The following ARHGAP32 variants were observed in gnomAD, a reference collection of about 807,000 sequenced individuals.
ARHGAP32 encodes the protein rho GTPase-activating protein 32.
ARHGAP32 carries 51 observed loss-of-function variants against 186.5 expected under a neutral mutation model. That is an observed-to-expected ratio of 0.27 (90% confidence interval 0.22 to 0.35). The LOEUF (loss-of-function observed/expected upper bound fraction) is 0.35, where lower values mean the gene tolerates loss of function less well. Ranked by LOEUF, ARHGAP32 falls within the 10% of genes least tolerant of loss-of-function variation. ARHGAP32 has a pLI of 1.00. For missense variants in ARHGAP32, 2,186 were observed against 2,623.5 expected, an observed-to-expected ratio of 0.83 and a Z score of 3.64; for synonymous variants, 950 against 964.3, an observed-to-expected ratio of 0.99 and a Z score of 0.27.
At chr11:129,180,121 T>C (rs1317987940) in intron 1 of ARHGAP32, among the ~76,000 whole-genome samples, 1 of 152,102 alleles carries the variant, frequency 6.6e-6, no homozygotes, top group East Asian at 1.9e-4. Flanking sequence ...TATACAATTA[T>C]TTATTAAGAG....
chr11:128,972,772 G>C lies in ARHGAP32; in HGVS notation c.3734C>G (p.Ala1245Gly). 3 of 1,614,008 alleles carry C rather than the reference G, an allele frequency of 1.9e-6. No homozygotes were observed. Among genetic ancestry groups the C allele is most frequent in the Non-Finnish European group, 2.5e-6 (3 of 1,180,006 alleles). ...VDKLHHPLEF[A>G]DKSPTPPNLP... ...ATTAGGAGGTGTGGGAGATTTGTCT[G>C]CAAATTCTAAAGGGTGATGGAGTTT... Residue 1245 changes from alanine to glycine, a missense_variant, in exon 22 of 23, where the codon GCA becomes GGA. Transcript: ENST00000682385.
chr11:129,061,904 G>A (rs1687793532), intron 10 of ARHGAP32, among the ~76,000 whole-genome samples: 1 of 152,120 alleles, frequency 6.6e-6, no homozygotes, highest in Non-Finnish European at 1.5e-5. Context: ...CAGTTACAAT[G>A]CCTTTTTATA....
At chr11:129,193,587 A>T (rs1322674013), upstream of ARHGAP32, among the ~76,000 whole-genome samples, 1 of 52,032 alleles carries the variant, frequency 1.9e-5, no homozygotes, top group African/African-American at 7.9e-5. Context: ...TATATTATAT[A>T]ATATATGTTA....
intron 11 of ARHGAP32, among the ~76,000 whole-genome samples, chr11:129,032,261 A>T (rs1939146208): frequency 6.6e-6 from 1 of 152,218 alleles, no homozygotes; most frequent in Admixed American, 6.5e-5. Flanking sequence ...AGATGCTGCC[A>T]TGGGCCTGCA....
intron 2 of ARHGAP32, among the ~76,000 whole-genome samples, chr11:129,162,469 T>C (rs542606550): frequency 3.9e-5 from 6 of 152,254 alleles, no homozygotes; most frequent in Admixed American, 3.9e-4. Flanking sequence ...GGAGTCAATG[T>C]TGAGTGTGAA....
chr11:129,155,621 T>C (rs1943384691), intron 2 of ARHGAP32, among the ~76,000 whole-genome samples: 1 of 152,122 alleles, frequency 6.6e-6, no homozygotes, highest in South Asian at 2.1e-4. Context: ...GTAGTTCATT[T>C]ATCAGCAAGC....
chr11:129,190,625 G>C (rs2135552633), intron 1 of ARHGAP32, among the ~76,000 whole-genome samples: 1 of 152,276 alleles, frequency 6.6e-6, no homozygotes, highest in African/African-American at 2.4e-5. Flanking sequence ...TGCCTTACAA[G>C]TAAATCTAGG....
intron 1 of ARHGAP32, among the ~76,000 whole-genome samples, chr11:129,247,566 T>C: frequency 6.6e-6 from 1 of 152,252 alleles, no homozygotes; most frequent in East Asian, 1.9e-4. Flanking sequence ...TTATTTCATC[T>C]TCCAGTTTAT....
chr11:129,221,407 G>A (rs1944707736), intron 1 of ARHGAP32, among the ~76,000 whole-genome samples: 1 of 151,674 alleles, frequency 6.6e-6, no homozygotes, highest in Non-Finnish European at 1.5e-5. Context: ...GGGGTGGGCT[G>A]AAATATGCAT....
chr11:128,978,947 A>G (rs1591492775), intron 18 of ARHGAP32, 32 bp from the exon 19 acceptor site: 3 of 1,582,122 alleles, frequency 1.9e-6, no homozygotes, highest in Non-Finnish European at 2.6e-6. Context: ...CAACATTAAG[A>G]TAGCCATGGG....
intron 1 of ARHGAP32, among the ~76,000 whole-genome samples, chr11:129,181,549 G>T (rs1292918206): frequency 1.3e-5 from 2 of 152,110 alleles, no homozygotes; most frequent in African/African-American, 4.8e-5. Context: ...AAATTGTAAA[G>T]CCTCTTAAAA....
chr11:129,116,632 T>C (rs755211911), intron 5 of ARHGAP32, among the ~76,000 whole-genome samples: 1 of 152,034 alleles, frequency 6.6e-6, no homozygotes, highest in Non-Finnish European at 1.5e-5. Flanking sequence ...ACTGAAAATA[T>C]GTACAAGTTA....
At chr11:128,981,658 A>C in intron 16 of ARHGAP32, 97 bp from the exon 17 acceptor site, 1 of 1,376,264 alleles carries the variant, frequency 7.3e-7, no homozygotes, top group South Asian at 1.4e-5. Context: ...CAGAGGAAGA[A>C]ATCATACTTT....
intron 1 of ARHGAP32, among the ~76,000 whole-genome samples, chr11:129,202,070 G>GTACATA (rs530897305): frequency 1.7e-4 from 25 of 151,362 alleles, no homozygotes; most frequent in Non-Finnish European, 2.8e-4. Flanking sequence ...ATATATACAA[G>GTACATA]TACATATACA....
In ARHGAP32 at chr11:128,968,954, C is replaced by T. The variant is rs777247242; in HGVS notation, c.6259G>A (p.Ala2087Thr). Residue 2087 changes from alanine to threonine, a missense_variant, in exon 23 of 23, where the codon GCA (alanine) becomes ACA (threonine). This residue lies in a region of ARHGAP32 where 1,502 missense variants were observed against 1,570.0 expected (regional missense o/e 0.96). Coordinates refer to ENST00000682385, the MANE Select transcript of ARHGAP32 (RefSeq NM_001378024.1). ...TALGQGAFLP[A>T]ELSLQHPETQ... is the part of the protein sequence containing the mutation. ...TCAGGATGCTGCAAGGACAACTCTG[C>T]GGGCAGGAAGGCCCCTTGACCCAAC... 2.3e-5 allele frequency: 36 copies of T among 1,561,590 alleles called. No homozygotes were observed. Among genetic ancestry groups the T allele is most frequent in the Admixed American group, 5.4e-5 (3 of 55,210 alleles).
At chr11:129,194,710 G>A (rs563494567), upstream of ARHGAP32, among the ~76,000 whole-genome samples, 16 of 151,612 alleles carry the variant, frequency 1.1e-4, no homozygotes, top group South Asian at 1.0e-3. Context: ...CCGAGATCAC[G>A]CCATTGCACT....
chr11:129,067,618 GCAA>G (rs200232363), intron 6 of ARHGAP32, among the ~76,000 whole-genome samples: 3,434 of 152,032 alleles, frequency 0.023, 66 homozygotes, highest in African/African-American at 0.051. Flanking sequence ...AGCTCACACC[GCAA>G]CAACAACAAG....
At chr11:129,038,182 A>G (rs1939435285) in intron 11 of ARHGAP32, among the ~76,000 whole-genome samples, 1 of 152,020 alleles carries the variant, frequency 6.6e-6, no homozygotes, top group African/African-American at 2.4e-5. Flanking sequence ...AACTGTGTCT[A>G]GGGTCAATTG....
chr11:129,187,461 G>C (rs1179279366), intron 1 of ARHGAP32, among the ~76,000 whole-genome samples: 2 of 152,102 alleles, frequency 1.3e-5, no homozygotes, highest in Non-Finnish European at 2.9e-5. Flanking sequence ...GTATTTGATA[G>C]CACAATAGGG....
Sources: gnomAD v4.1 joint callset for allele counts (sites outside exome capture counted in the v4.1 genomes callset) on GRCh38, gnomAD v4.1.1 for gene constraint, gnomAD v4.1.1 regional missense constraint, MANE v1.5 for transcripts, NCBI Gene and HGNC (gene_info 2026-07-23, HGNC 2026-07-21) for gene names.